NDUFB6: variants seen among roughly 807,000 people sequenced by gnomAD.
NDUFB6 encodes NADH:ubiquinone oxidoreductase subunit B6, also known as NADH dehydrogenase [ubiquinone] 1 beta subcomplex subunit 6.
In NDUFB6, 23 loss-of-function variants were observed where a neutral mutation model predicts 17.5. The observed-to-expected ratio is 1.31, with a 90% CI of 0.94 to 1.86. The LOEUF (loss-of-function observed/expected upper bound fraction) is 1.86, where lower values mean the gene tolerates loss of function less well. NDUFB6 is among the 40% of genes most tolerant of loss of function. The probability of loss-of-function intolerance (pLI) is 0.00; values close to 1 mark genes in which losing one functional copy is unlikely to be tolerated. For synonymous variants in NDUFB6, 60 were observed against 53.5 expected, an observed-to-expected ratio of 1.12 and a Z score of -0.53; for missense variants, 167 against 153.8, an observed-to-expected ratio of 1.09 and a Z score of -0.46.
intron 2 of NDUFB6, among the ~76,000 whole-genome samples, chr9:32,564,929 A>G (rs546791516): frequency 5.9e-5 from 9 of 152,314 alleles, no homozygotes; most frequent in African/African-American, 1.7e-4. Flanking sequence ...CGGCAGTTTC[A>G]TGTGGTTCGA....
chr9:32,558,590 T>C (rs1198076754), intron 3 of NDUFB6, among the ~76,000 whole-genome samples: 5 of 152,212 alleles, frequency 3.3e-5, no homozygotes, highest in Non-Finnish European at 7.3e-5. Context: ...CTAAGCTCTT[T>C]ACCCAACATG....
intron 3 of NDUFB6, among the ~76,000 whole-genome samples, chr9:32,554,752 G>C (rs1821408527): frequency 6.6e-6 from 1 of 152,206 alleles, no homozygotes; most frequent in African/African-American, 2.4e-5. Context: ...TCATTGCCTT[G>C]AAGTGGCACT....
intron 3 of NDUFB6, among the ~76,000 whole-genome samples, chr9:32,556,807 A>G (rs1196506196): frequency 6.6e-6 from 1 of 151,316 alleles, no homozygotes; most frequent in Non-Finnish European, 1.5e-5. Flanking sequence ...TGTAACACAC[A>G]TCAATGTTAC....
intron 3 of NDUFB6, among the ~76,000 whole-genome samples, chr9:32,558,263 C>T (rs1438944098): frequency 2.0e-5 from 3 of 152,094 alleles, no homozygotes; most frequent in Non-Finnish European, 4.4e-5. Flanking sequence ...AGGCGCCCGC[C>T]ACCACGCCCA....
At chr9:32,566,458 C>G (rs1463448277) in intron 2 of NDUFB6, 3 of 812,814 alleles carry the variant, frequency 3.7e-6, no homozygotes, top group Non-Finnish European at 6.7e-6. Flanking sequence ...TCTTGACAAG[C>G]AGCCGTCCAT....
chr9:32,569,514 G>A (rs111673075), intron 2 of NDUFB6, among the ~76,000 whole-genome samples: 15,748 of 152,024 alleles, frequency 0.1, 1,029 homozygotes, highest in Middle Eastern at 0.28. Flanking sequence ...CACCGTGCCC[G>A]GCCTGTTTTT....
Position 32,572,998 on chromosome 9 carries a change from T to C in NDUFB6, c.63A>G (p.Arg21=), listed in dbSNP as rs752272374. 1.9e-6 allele frequency: 3 copies of C among 1,610,184 alleles called. No individual in the cohort carries two copies. The highest frequency in any genetic ancestry group is 4.5e-5 in the East Asian group (2 of 44,506). ...GGCTCAGCTCCTGGTCCTTCAGCCA[T>C]CGCCTTCTCAGCTCTCGCAGCTGCT... is the stretch of plus-strand genomic sequence containing the variant. ...RLQQLRELRR[R]WLKDQELSPR... Residue 21 remains arginine (R), a synonymous_variant, in exon 1 of 4, where the codon CGA becomes CGG. Coordinates refer to ENST00000379847, the MANE Select transcript of NDUFB6 (RefSeq NM_002493.5).
At chr9:32,557,502 A>G (rs1821499902) in intron 3 of NDUFB6, among the ~76,000 whole-genome samples, 1 of 144,184 alleles carries the variant, frequency 6.9e-6, no homozygotes, top group African/African-American at 2.6e-5. Flanking sequence ...TTTTTTTGAG[A>G]TGGAGTTTCA....
rs759704339 is a variant in NDUFB6 at position 32,570,913 on chromosome 9, T to G, written c.273+47A>C. The G allele has an allele frequency of 1.0e-5, 14 of 1,338,642 alleles. No homozygotes were observed. In the South Asian group the frequency reaches 1.9e-4, roughly 18 times the overall value. 82.9% of individuals were successfully genotyped at this position (1,338,642 alleles called of 1,614,324 possible). ...TAGGGTAAGATAGCCACAAAGAAAGTAATTTTGGACAATATTAAAAATGAA... is the reference window on the plus strand; with the variant it reads ...TAGGGTAAGATAGCCACAAAGAAAGGAATTTTGGACAATATTAAAAATGAA... On this transcript the variant is annotated intron_variant, in intron 2 of 3. Transcript: ENST00000379847.
At chr9:32,559,738 G>A (rs1322218068) in intron 2 of NDUFB6, among the ~76,000 whole-genome samples, 1 of 152,008 alleles carries the variant, frequency 6.6e-6, no homozygotes, top group Non-Finnish European at 1.5e-5. Flanking sequence ...TTTTTACCCT[G>A]CTTAATTTTT....
intron 3 of NDUFB6, among the ~76,000 whole-genome samples, chr9:32,557,667 C>G (rs147028857): frequency 0.019 from 2,764 of 146,368 alleles, 86 homozygotes; most frequent in African/African-American, 0.065. Flanking sequence ...TTAGTAGAGA[C>G]GGGGTTTCAC....
intron 2 of NDUFB6, among the ~76,000 whole-genome samples, chr9:32,564,142 G>A (rs1821708786): frequency 6.6e-6 from 1 of 152,068 alleles, no homozygotes; most frequent in African/African-American, 2.4e-5. Context: ...AAACACGCAT[G>A]CACACATCCA....
intron 3 of NDUFB6, among the ~76,000 whole-genome samples, chr9:32,557,628 C>T (rs774040615): frequency 1.1e-4 from 16 of 151,676 alleles, no homozygotes; most frequent in Admixed American, 6.6e-5. Context: ...TACAGGTGCC[C>T]GCCACCACGC....
At chr9:32,568,932 G>T (rs973357891) in intron 2 of NDUFB6, among the ~76,000 whole-genome samples, 3 of 151,402 alleles carry the variant, frequency 2.0e-5, no homozygotes, top group African/African-American at 4.9e-5. Flanking sequence ...TGTATTTTTA[G>T]TAGAGACAGG....
At position 32,573,109 on chromosome 9, in the gene NDUFB6, G is replaced by T. The variant is rs375090847; in HGVS notation, c.-49C>A. On this transcript the variant is annotated 5_prime_UTR_variant, in exon 1 of 4. Transcript: ENST00000379847. ...AGGACACGGCGCACCCTCGAACTAC[G>T]GACTAGTTACTTAAGCGCGCTCCCG... 16 of 1,471,204 alleles carry T rather than the reference G, an allele frequency of 1.1e-5. No individual in the cohort carries two copies. The highest frequency in any genetic ancestry group is 1.4e-5 in the African/African-American group (1 of 69,898). 91.1% of individuals were successfully genotyped at this position (1,471,204 alleles called of 1,614,324 possible).
At chr9:32,569,797 G>A (rs1229038017) in intron 2 of NDUFB6, among the ~76,000 whole-genome samples, 1 of 152,084 alleles carries the variant, frequency 6.6e-6, no homozygotes, top group Non-Finnish European at 1.5e-5. Context: ...GCTACAGGTG[G>A]GAGCCACCAC....
rs549018220 is a variant in NDUFB6, at chr9:32,563,421, T to C, written c.274-4467A>G. On this transcript the variant is annotated intron_variant, in intron 2 of 3. Transcript: ENST00000379847. ...CAGTGGGCAGCACAATCATAGCTCA[T>C]TGCAGGCTCCACATCCTGGGCTCAA... 9.9e-5 allele frequency among the ~76,000 whole-genome samples: 15 copies of C among 151,320 alleles called. No individual in the cohort carries two copies. In the South Asian group the frequency reaches 2.5e-3, roughly 25 times the overall value.
At chr9:32,566,382 G>C in intron 2 of NDUFB6, 1 of 1,073,244 alleles carries the variant, frequency 9.3e-7, no homozygotes, top group Non-Finnish European at 1.5e-6. Flanking sequence ...TTTCCACTAT[G>C]TGATCCAGGT....
In NDUFB6 at chr9:32,573,012, C is replaced by T. The variant is rs750770386; in HGVS notation, c.49G>A (p.Glu17Lys). Reference protein sequence around the residue: ...DEKLRLQQLRELRRRWLKDQE... With the variant: ...DEKLRLQQLRKLRRRWLKDQE... ...TCCTTCAGCCATCGCCTTCTCAGCT[C>T]TCGCAGCTGCTGCAGCCGCAGTTTC... The change falls in exon 1 of 4, where the codon GAG (glutamate) becomes AAG (lysine). Residue 17 changes from glutamate (E) to lysine (K), a missense_variant. Transcript: ENST00000379847. 5.0e-6 allele frequency: 8 copies of T among 1,604,928 alleles called. No individual in the cohort carries two copies. Among genetic ancestry groups the T allele is most frequent in the East Asian group, 2.3e-5 (1 of 44,066 alleles).
Sources: gnomAD v4.1 joint callset for allele counts (sites outside exome capture counted in the v4.1 genomes callset) on GRCh38, gnomAD v4.1.1 for gene constraint, MANE v1.5 for transcripts, NCBI Gene and HGNC (gene_info 2026-07-23, HGNC 2026-07-21) for gene names.